The following FOCAD variants were observed in gnomAD, a reference collection of about 807,000 sequenced individuals.
The protein encoded by FOCAD is focadhesin, also known as KIAA1797.
In FOCAD, 198 loss-of-function variants were observed where a neutral mutation model predicts 225.6. The observed-to-expected ratio is 0.88, with a 90% CI of 0.78 to 0.99. The LOEUF (loss-of-function observed/expected upper bound fraction) is 0.99. Ranked by LOEUF, FOCAD falls within the 50% of genes least tolerant of loss-of-function variation. The pLI, the probability that FOCAD is intolerant of heterozygous loss-of-function variation, is 0.00. For missense variants in FOCAD, 2,713 were observed against 2,123.6 expected, an observed-to-expected ratio of 1.28 and a Z score of -5.46; for synonymous variants, 897 against 755.0, an observed-to-expected ratio of 1.19 and a Z score of -3.08.
chr9:20,819,670 A>G (rs1476526909), intron 11 of FOCAD, 126 bp from the exon 12 acceptor site: 3 of 461,582 alleles, frequency 6.5e-6, no homozygotes, highest in African/African-American at 2.0e-5. Context: ...GCTAACTGAT[A>G]TATTCTAAGT....
At chr9:20,701,837 C>G (rs1823980460) in intron 1 of FOCAD, among the ~76,000 whole-genome samples, 2 of 152,086 alleles carry the variant, frequency 1.3e-5, no homozygotes, top group Admixed American at 1.3e-4. Flanking sequence ...GCAGTATATA[C>G]AAAGATACAA....
chr9:20,788,665 G>A (rs1376452898), intron 10 of FOCAD, among the ~76,000 whole-genome samples: 5 of 152,022 alleles, frequency 3.3e-5, no homozygotes, highest in South Asian at 2.1e-4. Context: ...ATTCTTTAAC[G>A]TCTGCCACTT....
At chr9:20,929,783 TA>T (rs1181234636) in intron 27 of FOCAD, among the ~76,000 whole-genome samples, 187 bp downstream of exon 27, 2 of 152,206 alleles carry the variant, frequency 1.3e-5, no homozygotes, top group Non-Finnish European at 2.9e-5. Flanking sequence ...TACCATCGTG[TA>T]GGTATTAATG....
chr9:20,719,370 A>G (rs1183117359), intron 3 of FOCAD, among the ~76,000 whole-genome samples: 1 of 152,238 alleles, frequency 6.6e-6, no homozygotes, highest in East Asian at 1.9e-4. Flanking sequence ...GGCATGAGCC[A>G]CAGTGCCTGG....
chr9:20,819,928 G>A (rs1011862459), intron 12 of FOCAD, 28 bp downstream of exon 12: 11 of 1,310,602 alleles, frequency 8.4e-6, no homozygotes, highest in African/African-American at 1.5e-5. Flanking sequence ...TTTAGTTGGC[G>A]AAAAAAGTGA....
chr9:20,961,612 G>A (rs757323277), intron 35 of FOCAD, among the ~76,000 whole-genome samples: 36 of 152,036 alleles, frequency 2.4e-4, no homozygotes, highest in Non-Finnish European at 4.3e-4. Flanking sequence ...TTTTATTTCT[G>A]TATTTAGCTA....
At chr9:20,880,255 A>C (rs1830557060) in intron 19 of FOCAD, among the ~76,000 whole-genome samples, 1 of 152,196 alleles carries the variant, frequency 6.6e-6, no homozygotes, top group African/African-American at 2.4e-5. Flanking sequence ...AGAGATGGTA[A>C]ACCGTCTCAG....
Position 20,949,647 on chromosome 9 carries a change from T to C in FOCAD, c.3920T>C (p.Leu1307Pro), listed in dbSNP as rs1837508363. ...CAGACCTCTCATTTTCAAGGCAGACTTAATGAAGTCATTAGAACCTTAACT... is the reference window on the plus strand; with the variant it reads ...CAGACCTCTCATTTTCAAGGCAGACCTAATGAAGTCATTAGAACCTTAACT... ...AIQTSHFQGR[L>P]NEVIRTLTQV... Residue 1307 changes from leucine to proline, a missense_variant, in exon 33 of 44, where the codon CTT (leucine) becomes CCT (proline). Coordinates refer to ENST00000338382, the MANE Select transcript of FOCAD (RefSeq NM_001375567.1). 1.9e-6 allele frequency: 3 copies of C among 1,613,078 alleles called. No individual in the cohort carries two copies. The South Asian group carries it at 3.3e-5, about 18-fold the overall frequency.
At position 20,931,920 on chromosome 9, in the gene FOCAD, G is replaced by GT. The variant is rs1324600052; in HGVS notation, c.3318-1094_3318-1093insT. Among the ~76,000 whole-genome samples the GT allele has an allele frequency of 5.1e-4, 76 of 149,472 alleles. 1 individual carries two copies. Among genetic ancestry groups the GT allele is most frequent in the African/African-American group, 1.8e-3 (73 of 40,080 alleles). ...TCTATCTCAAAAAAAAAAAAAAAAAGGGGGGGAGAATTATGAAAATCATTT... is the reference window on the plus strand; with the variant it reads ...TCTATCTCAAAAAAAAAAAAAAAAAGTGGGGGGAGAATTATGAAAATCATTT... On this transcript the variant is annotated intron_variant, in intron 27 of 43. Coordinates refer to ENST00000338382, the MANE Select transcript of FOCAD (RefSeq NM_001375567.1).
intron 28 of FOCAD, among the ~76,000 whole-genome samples, chr9:20,936,026 CTG>C (rs1290273654): frequency 5.3e-5 from 8 of 152,194 alleles, no homozygotes; most frequent in African/African-American, 1.9e-4. Flanking sequence ...TTCAGTTAGT[CTG>C]TGTGACTTGT....
chr9:20,850,924 T>C (rs890691795), intron 15 of FOCAD, among the ~76,000 whole-genome samples: 11 of 150,434 alleles, frequency 7.3e-5, no homozygotes, highest in African/African-American at 2.4e-4. Context: ...TACCTGATGC[T>C]AAGGTCCTCG....
intron 42 of FOCAD, among the ~76,000 whole-genome samples, chr9:20,992,307 G>A (rs756928132): frequency 1.7e-4 from 26 of 152,170 alleles, no homozygotes; most frequent in Non-Finnish European, 3.2e-4. Context: ...ATTATTTTAT[G>A]CCATTTCTCT....
chr9:20,853,342 A>G (rs1564073407), intron 15 of FOCAD, among the ~76,000 whole-genome samples: 1 of 151,766 alleles, frequency 6.6e-6, no homozygotes, highest in Non-Finnish European at 1.5e-5. Flanking sequence ...GGGTGGCTTC[A>G]TAGTCTAGAT....
At position 20,995,743 on chromosome 9, in the gene FOCAD, G is replaced by A; in HGVS notation, c.*114G>A. On this transcript the variant is annotated 3_prime_UTR_variant, in exon 44 of 44. Transcript: ENST00000338382. ...GCTGAGACATGATGCAGAGAGTTAA[G>A]GGTCATGAAAAGATGGCCACATCAC... The A allele has an allele frequency of 2.1e-6, 2 of 931,298 alleles. No homozygotes were observed. The highest frequency in any genetic ancestry group is 3.3e-6 in the Non-Finnish European group (2 of 606,738). The allele number at this position is 931,298 out of a possible 1,614,324, so 57.7% of individuals were successfully genotyped here. A position where few individuals can be genotyped will look rare whatever the true frequency, so the allele number is the denominator to read the frequency against.
At chr9:20,900,933 G>T (rs768298872) in intron 21 of FOCAD, among the ~76,000 whole-genome samples, 1 of 151,620 alleles carries the variant, frequency 6.6e-6, no homozygotes, top group Non-Finnish European at 1.5e-5. Flanking sequence ...GAAAAGGTTG[G>T]GGAGAGAATG....
Position 20,912,826 on chromosome 9 carries a change from C to T in FOCAD, c.2719-40C>T, listed in dbSNP as rs757119058. 16 of 1,506,810 alleles carry T rather than the reference C, an allele frequency of 1.1e-5. No homozygotes were observed. In the East Asian group the frequency reaches 2.9e-4, roughly 28 times the overall value. The allele number at this position is 1,506,810 out of a possible 1,614,324, so 93.3% of individuals were successfully genotyped here. A position where few individuals can be genotyped will look rare whatever the true frequency, so the allele number is the denominator to read the frequency against. On this transcript the variant is annotated intron_variant, in intron 22 of 43. Coordinates refer to ENST00000338382, the MANE Select transcript of FOCAD (RefSeq NM_001375567.1). ...AAAGAAATTTTAAGATCACTTCAGC[C>T]ATCGAGTTCACATGCTGATTTATGC...
At position 20,912,918 on chromosome 9, in the gene FOCAD, A is replaced by G. The variant is rs1168426839; in HGVS notation, c.2771A>G (p.Glu924Gly). The change falls in exon 23 of 44, where the codon GAG becomes GGG. Residue 924 changes from glutamate to glycine, a missense_variant. Coordinates refer to ENST00000338382, the MANE Select transcript of FOCAD (RefSeq NM_001375567.1). ...TTAAAACATGGAAAAGAAGAACCTGAGGAGGTGCAGTACAAAAAAAGCACA... is the reference window on the plus strand; with the variant it reads ...TTAAAACATGGAAAAGAAGAACCTGGGGAGGTGCAGTACAAAAAAAGCACA... ...LQLKHGKEEP[E>G]EVQYKKSTAW... 1.9e-6 allele frequency: 3 copies of G among 1,613,154 alleles called. No homozygotes were observed. The East Asian group carries it at 6.7e-5, about 36-fold the overall frequency.
intron 6 of FOCAD, among the ~76,000 whole-genome samples, chr9:20,760,427 G>T (rs925051836): frequency 6.6e-6 from 1 of 152,194 alleles, no homozygotes; most frequent in African/African-American, 2.4e-5. Flanking sequence ...TATCTCACCA[G>T]CTTTATCTTT....
rs536852098 is a variant in FOCAD, at chr9:20,825,252, C to T, written c.1920+2137C>T. 9.2e-5 allele frequency among the ~76,000 whole-genome samples: 14 copies of T among 151,462 alleles called. No homozygotes were observed. In the South Asian group the frequency reaches 2.7e-3, roughly 29 times the overall value. ...ACAGTCATAAAGTATACTTGGTATT[C>T]ACCAGCTCTTGCCAGGCCACATTTA... On this transcript the variant is annotated intron_variant, in intron 15 of 43. Coordinates refer to ENST00000338382, the MANE Select transcript of FOCAD (RefSeq NM_001375567.1).
Sources: allele counts gnomAD v4.1 joint callset (sites outside exome capture counted in the v4.1 genomes callset), GRCh38; gene constraint gnomAD v4.1.1; transcripts MANE v1.5; gene names NCBI Gene and HGNC (gene_info 2026-07-23, HGNC 2026-07-21).